The following ZNF804B variants were observed in gnomAD, a reference collection of about 807,000 sequenced individuals.
The protein encoded by ZNF804B is zinc finger protein 804B.
Under a neutral mutation model 101.4 loss-of-function variants are expected in ZNF804B, and 80 were observed. The observed-to-expected ratio is 0.79, with a 90% CI of 0.66 to 0.95. The LOEUF (loss-of-function observed/expected upper bound fraction) is 0.95, where lower values mean the gene tolerates loss of function less well. Ranked by LOEUF, ZNF804B falls within the 40% of genes least tolerant of loss-of-function variation. ZNF804B has a pLI of 0.00. For missense variants in ZNF804B, 1,673 were observed against 1,561.9 expected (o/e 1.07, Z -1.20); for synonymous variants, 622 against 558.8 (o/e 1.11, Z -1.59).
intron 1 of ZNF804B, among the ~76,000 whole-genome samples, chr7:89,174,759 T>C (rs1775393412): frequency 6.6e-6 from 1 of 151,990 alleles, no homozygotes; most frequent in South Asian, 2.1e-4. Context: ...CAACATTTGT[T>C]ATTGCCTGTC....
chr7:88,854,621 T>C (rs28449462), intron 1 of ZNF804B, among the ~76,000 whole-genome samples: 4 of 148,786 alleles, frequency 2.7e-5, no homozygotes, highest in African/African-American at 1.0e-4. Flanking sequence ...TTTTTTTTTA[T>C]GCTTTCAGTT....
intron 2 of ZNF804B, among the ~76,000 whole-genome samples, chr7:89,270,579 G>A (rs147607226): frequency 0.042 from 6,383 of 152,250 alleles, 141 homozygotes; most frequent in Non-Finnish European, 0.048. Flanking sequence ...GAACTTTAAA[G>A]TAGTATTTTC....
intron 1 of ZNF804B, among the ~76,000 whole-genome samples, chr7:89,156,734 A>C (rs943868276): frequency 2.0e-5 from 3 of 152,118 alleles, no homozygotes; most frequent in African/African-American, 7.2e-5. Context: ...CATTTCTCTA[A>C]TGCAAAAATT....
chr7:88,994,064 C>T (rs761938415), intron 1 of ZNF804B, among the ~76,000 whole-genome samples: 11 of 151,856 alleles, frequency 7.2e-5, no homozygotes, highest in Non-Finnish European at 1.5e-4. Context: ...ATCAGTTTTT[C>T]CTTATTGATT....
At position 88,934,858 on chromosome 7, in the gene ZNF804B, C is replaced by T. The variant is rs1410497554; in HGVS notation, c.108+174774C>T. On this transcript the variant is annotated intron_variant, in intron 1 of 3. Transcript: ENST00000333190. The stretch of plus-strand genomic sequence containing the variant: ...ACTAAACGTAGAACTACCATTCAAT[C>T]CAGCGATCCCACTACTGGGTATCTA... Among the ~76,000 whole-genome samples, 7 of 151,882 alleles carry T rather than the reference C, an allele frequency of 4.6e-5. No homozygotes were observed. In the East Asian group the frequency reaches 1.4e-3, roughly 29 times the overall value.
intron 1 of ZNF804B, among the ~76,000 whole-genome samples, chr7:88,806,538 G>A (rs772000273): frequency 6.6e-6 from 1 of 151,814 alleles, no homozygotes; most frequent in Non-Finnish European, 1.5e-5. Context: ...TGTTATATGG[G>A]TTAAATCTCT....
At chr7:89,174,470 A>G (rs745596465) in intron 1 of ZNF804B, among the ~76,000 whole-genome samples, 1 of 152,016 alleles carries the variant, frequency 6.6e-6, no homozygotes, top group Admixed American at 6.6e-5. Flanking sequence ...CATTGTGCAT[A>G]TGTACCACAT....
chr7:88,974,334 A>T (rs1270332498), intron 1 of ZNF804B, among the ~76,000 whole-genome samples: 1 of 151,368 alleles, frequency 6.6e-6, no homozygotes, highest in Non-Finnish European at 1.5e-5. Context: ...ACAGTTGACA[A>T]TATATTGTAT....
At chr7:88,808,363 C>T (rs929872572) in intron 1 of ZNF804B, among the ~76,000 whole-genome samples, 3 of 122,426 alleles carry the variant, frequency 2.5e-5, no homozygotes, top group Non-Finnish European at 5.0e-5. Flanking sequence ...GCCTGGGGGA[C>T]AAGAGTGAGA....
chr7:89,109,628 G>T (rs1015649966), intron 1 of ZNF804B, among the ~76,000 whole-genome samples: 1 of 152,142 alleles, frequency 6.6e-6, no homozygotes, highest in African/African-American at 2.4e-5. Context: ...TACTGCTGAA[G>T]TCTGGAAATT....
At chr7:89,003,522 T>C (rs1788320089) in intron 1 of ZNF804B, among the ~76,000 whole-genome samples, 1 of 151,992 alleles carries the variant, frequency 6.6e-6, no homozygotes, top group South Asian at 2.1e-4. Context: ...TGAAGAGCTA[T>C]GTAACCAGAA....
intron 1 of ZNF804B, among the ~76,000 whole-genome samples, chr7:88,962,165 G>A (rs908603961): frequency 6.6e-6 from 1 of 151,182 alleles, no homozygotes; most frequent in Admixed American, 6.6e-5. Flanking sequence ...GACCTAAAAT[G>A]GTTTATCTCT....
At chr7:88,874,856 A>C (rs1049995021) in intron 1 of ZNF804B, among the ~76,000 whole-genome samples, 1 of 149,352 alleles carries the variant, frequency 6.7e-6, no homozygotes, top group Non-Finnish European at 1.5e-5. Context: ...CAGAATATAC[A>C]TTTTTTTCAG....
At chr7:89,284,319 A>T (rs1790147139) in intron 2 of ZNF804B, among the ~76,000 whole-genome samples, 1 of 152,206 alleles carries the variant, frequency 6.6e-6, no homozygotes, top group East Asian at 1.9e-4. Flanking sequence ...GATATCTCTC[A>T]GTTCTCACAT....
chr7:89,196,072 C>T (rs565950392), intron 1 of ZNF804B, among the ~76,000 whole-genome samples: 2 of 151,900 alleles, frequency 1.3e-5, no homozygotes, highest in Non-Finnish European at 2.9e-5. Flanking sequence ...TCATATGGAA[C>T]CAAAAAAAGA....
Position 89,029,091 on chromosome 7 carries a change from T to C in ZNF804B, c.109-189064T>C, listed in dbSNP as rs139287337. On this transcript the variant is annotated intron_variant, in intron 1 of 3. Coordinates refer to ENST00000333190, the MANE Select transcript of ZNF804B (RefSeq NM_181646.5). ...ACAATGAATAATAGCTGAATGTTTT[T>C]TGGAAAAGCTAATATTTGTTTGTTT... is the stretch of plus-strand genomic sequence containing the variant. 2.0e-5 allele frequency among the ~76,000 whole-genome samples: 3 copies of C among 152,194 alleles called. No homozygotes were observed. In the East Asian group the frequency reaches 5.8e-4, roughly 29 times the overall value.
chr7:89,212,290 A>ACACAC (rs1491050529), intron 1 of ZNF804B, among the ~76,000 whole-genome samples: 5,293 of 97,030 alleles, frequency 0.055, 254 homozygotes, highest in African/African-American at 0.14. Flanking sequence ...CACACACACA[A>ACACAC]ACAGACTGCA....
chr7:89,219,555 G>C (rs1328512062), intron 2 of ZNF804B, among the ~76,000 whole-genome samples: 1 of 151,588 alleles, frequency 6.6e-6, no homozygotes, highest in African/African-American at 2.4e-5. Context: ...GAAGGAAGAG[G>C]CTATTGTTCT....
chr7:89,260,711 G>A (rs1183760639), intron 2 of ZNF804B, among the ~76,000 whole-genome samples: 2 of 152,130 alleles, frequency 1.3e-5, no homozygotes, highest in Non-Finnish European at 2.9e-5. Context: ...GTAAGATTTT[G>A]TGTCTGTTGG....
Sources: gnomAD v4.1 joint callset for allele counts (sites outside exome capture counted in the v4.1 genomes callset) on GRCh38, gnomAD v4.1.1 for gene constraint, MANE v1.5 for transcripts, NCBI Gene and HGNC (gene_info 2026-07-23, HGNC 2026-07-21) for gene names.